RABGAP1L: variants seen among roughly 807,000 people sequenced by gnomAD.
RABGAP1L encodes the protein rab GTPase-activating protein 1-like.
In RABGAP1L, 63 loss-of-function variants were observed where a neutral mutation model predicts 137.7. That is an observed-to-expected ratio of 0.46 (90% CI 0.37 to 0.56). The LOEUF (loss-of-function observed/expected upper bound fraction) is 0.56. Ranked by LOEUF, RABGAP1L falls within the 20% of genes least tolerant of loss-of-function variation. The pLI is 0.00. For synonymous variants in RABGAP1L, 431 were observed against 433.7 expected, an observed-to-expected ratio of 0.99 and a Z score of 0.08; for missense variants, 1,095 against 1,244.0, an observed-to-expected ratio of 0.88 and a Z score of 1.80.
At chr1:174,900,727 C>T (rs1438961127) in intron 19 of RABGAP1L, among the ~76,000 whole-genome samples, 8 of 152,084 alleles carry the variant, frequency 5.3e-5, no homozygotes, top group Admixed American at 2.6e-4. Flanking sequence ...ACCATGTTGG[C>T]CAGGCTAGTC....
chr1:174,446,364 G>A (rs1019138561), intron 13 of RABGAP1L, among the ~76,000 whole-genome samples: 1 of 152,230 alleles, frequency 6.6e-6, no homozygotes, highest in Non-Finnish European at 1.5e-5. Context: ...GAATGACTTG[G>A]TGGTGCACCA....
chr1:174,559,068 AG>A (rs1667052455), intron 13 of RABGAP1L, among the ~76,000 whole-genome samples: 1 of 152,182 alleles, frequency 6.6e-6, no homozygotes, highest in Non-Finnish European at 1.5e-5. Context: ...TTTCCAGAAA[AG>A]GGGCATCTAG....
At chr1:174,256,617 C>T (rs1239760686) in intron 7 of RABGAP1L, among the ~76,000 whole-genome samples, 1 of 152,030 alleles carries the variant, frequency 6.6e-6, no homozygotes, top group Non-Finnish European at 1.5e-5. Flanking sequence ...CCCGTCTCTA[C>T]TAAAAATATA....
intron 13 of RABGAP1L, among the ~76,000 whole-genome samples, chr1:174,627,407 T>C (rs1673006532): frequency 6.6e-6 from 1 of 152,238 alleles, no homozygotes; most frequent in Non-Finnish European, 1.5e-5. Context: ...AAGTAAGTGA[T>C]GATTCTCTTT....
chr1:174,682,127 G>GA (rs1367165604), intron 14 of RABGAP1L, among the ~76,000 whole-genome samples: 1 of 151,898 alleles, frequency 6.6e-6, no homozygotes, highest in Non-Finnish European at 1.5e-5. Flanking sequence ...CTAAAACTAT[G>GA]AAAATTAGCT....
At position 174,744,090 on chromosome 1, in the gene RABGAP1L, T is replaced by TAAAAAA. The variant is rs10694829; in HGVS notation, c.2170-8201_2170-8196dup. ...CTACTATGTTGGTCTGTGAAATACG[T>TAAAAAA]AAAAAAAAAAAAAAAAAAAAAAAAA... On this transcript the variant is annotated intron_variant, in intron 17 of 25. Coordinates refer to ENST00000681986, the MANE Select transcript of RABGAP1L (RefSeq NM_001366446.1). Among the ~76,000 whole-genome samples the TAAAAAA allele has an allele frequency of 1.2e-3, 54 of 45,136 alleles. 3 individuals are homozygous for TAAAAAA. Among genetic ancestry groups the TAAAAAA allele is most frequent in the African/African-American group, 4.6e-3 (53 of 11,440 alleles). 29.6% of individuals were successfully genotyped at this position (45,136 alleles called of 152,430 possible).
chr1:174,889,657 C>A (rs1422525964), intron 19 of RABGAP1L, among the ~76,000 whole-genome samples: 2 of 151,836 alleles, frequency 1.3e-5, no homozygotes, highest in Non-Finnish European at 2.9e-5. Flanking sequence ...TCTTGAACTT[C>A]TGGCTTCAAG....
intron 13 of RABGAP1L, among the ~76,000 whole-genome samples, chr1:174,466,825 G>C (rs1367416456): frequency 6.6e-6 from 1 of 152,098 alleles, no homozygotes; most frequent in Non-Finnish European, 1.5e-5. Context: ...TAATGGTTTA[G>C]CCTGCCCTCT....
At chr1:174,331,138 T>C (rs1680992328) in intron 11 of RABGAP1L, among the ~76,000 whole-genome samples, 1 of 152,152 alleles carries the variant, frequency 6.6e-6, no homozygotes, top group African/African-American at 2.4e-5. Context: ...TAGCTACATG[T>C]AAAAGAATGA....
chr1:174,759,283 T>A lies in RABGAP1L; in HGVS notation c.2211+6929T>A, dbSNP rs1233177432. Among the ~76,000 whole-genome samples, 330 of 130,710 alleles carry A rather than the reference T, an allele frequency of 2.5e-3. 5 individuals carry two copies. Among genetic ancestry groups the A allele is most frequent in the Admixed American group, 0.023 (303 of 13,090 alleles). The allele number at this position is 130,710 out of a possible 152,430, so 85.8% of individuals were successfully genotyped here. ...AACATTCGAGGCTGGGTAATTTATT[T>A]AAAAAAAAAAAAAAAAAAAAAGAAG... On this transcript the variant is annotated intron_variant, in intron 18 of 25. Coordinates refer to ENST00000681986, the MANE Select transcript of RABGAP1L (RefSeq NM_001366446.1).
At chr1:174,866,261 A>G (rs1651230195) in intron 19 of RABGAP1L, among the ~76,000 whole-genome samples, 3 of 152,196 alleles carry the variant, frequency 2.0e-5, no homozygotes, top group Admixed American at 6.5e-5. Context: ...CTATAGAAAT[A>G]TAAAAACATA....
chr1:174,281,914 A>G (rs1307473755), intron 10 of RABGAP1L, among the ~76,000 whole-genome samples: 1 of 152,236 alleles, frequency 6.6e-6, no homozygotes, highest in Non-Finnish European at 1.5e-5. Flanking sequence ...ATGTGCTGTC[A>G]TTACAGTAAC....
intron 18 of RABGAP1L, among the ~76,000 whole-genome samples, chr1:174,763,568 G>A (rs1195407880): frequency 1.4e-5 from 2 of 142,792 alleles, no homozygotes; most frequent in Non-Finnish European, 3.0e-5. Flanking sequence ...GGAGAATGGC[G>A]TGAACCTGGG....
At chr1:174,714,250 A>G (rs1338060469) in intron 17 of RABGAP1L, among the ~76,000 whole-genome samples, 10 of 152,038 alleles carry the variant, frequency 6.6e-5, no homozygotes, top group Non-Finnish European at 1.0e-4. Context: ...TACTTCCTCT[A>G]AGAAATTTTC....
At chr1:174,815,042 C>T (rs1195065216) in intron 19 of RABGAP1L, among the ~76,000 whole-genome samples, 2 of 152,090 alleles carry the variant, frequency 1.3e-5, no homozygotes, top group African/African-American at 4.8e-5. Flanking sequence ...CCAAGAAAAT[C>T]CCCAAACCAA....
chr1:174,618,679 A>G (rs142067520), intron 13 of RABGAP1L, among the ~76,000 whole-genome samples: 3,254 of 152,278 alleles, frequency 0.021, 123 homozygotes, highest in African/African-American at 0.075. Context: ...AGATAAAACC[A>G]CAAAGATGGG....
At chr1:174,756,973 A>G in intron 18 of RABGAP1L, 1 of 936,970 alleles carries the variant, frequency 1.1e-6, no homozygotes, top group Non-Finnish European at 1.6e-6. Flanking sequence ...TTAGCACCAG[A>G]AACTGGCCAA....
intron 13 of RABGAP1L, among the ~76,000 whole-genome samples, chr1:174,572,617 G>A (rs1470812660): frequency 6.6e-6 from 1 of 152,046 alleles, no homozygotes; most frequent in African/African-American, 2.4e-5. Context: ...TCCTGACCTC[G>A]TGATCTGCCC....
intron 13 of RABGAP1L, among the ~76,000 whole-genome samples, chr1:174,576,308 C>T (rs569065895): frequency 5.9e-5 from 9 of 152,206 alleles, no homozygotes; most frequent in African/African-American, 4.8e-5. Context: ...GCCCCTCATG[C>T]GTCCGTTTAT....
Sources: allele counts gnomAD v4.1 joint callset (sites outside exome capture counted in the v4.1 genomes callset), GRCh38; gene constraint gnomAD v4.1.1; transcripts MANE v1.5; gene names NCBI Gene and HGNC (gene_info 2026-07-23, HGNC 2026-07-21).